The following MACROD2 variants were observed in gnomAD, a reference collection of about 807,000 sequenced individuals.
MACROD2 encodes ADP-ribose glycohydrolase MACROD2.
Under a neutral mutation model 70.4 loss-of-function variants are expected in MACROD2, and 36 were observed. The ratio of observed to expected loss-of-function variants is 0.51; its 90% CI spans 0.39 to 0.68. The LOEUF (loss-of-function observed/expected upper bound fraction) is 0.68, where lower values mean the gene tolerates loss of function less well. Ranked by LOEUF, MACROD2 falls within the 30% of genes least tolerant of loss-of-function variation. MACROD2 has a pLI of 0.00. For synonymous variants in MACROD2, 172 were observed against 178.8 expected (o/e 0.96, Z 0.30); for missense variants, 496 against 538.4 (o/e 0.92, Z 0.78).
intron 4 of MACROD2, among the ~76,000 whole-genome samples, chr20:14,587,908 T>A (rs1409087823): frequency 6.6e-6 from 1 of 152,124 alleles, no homozygotes; most frequent in Non-Finnish European, 1.5e-5. Flanking sequence ...TACAGTGGTG[T>A]TATCAATACC....
At chr20:14,266,959 T>C (rs1015420447) in intron 3 of MACROD2, among the ~76,000 whole-genome samples, 1 of 152,126 alleles carries the variant, frequency 6.6e-6, no homozygotes, top group Non-Finnish European at 1.5e-5. Context: ...ATAAACTCAG[T>C]TGGAAGTGAA....
chr20:14,546,028 T>A (rs1052167720), intron 4 of MACROD2, among the ~76,000 whole-genome samples: 1 of 152,218 alleles, frequency 6.6e-6, no homozygotes, highest in Non-Finnish European at 1.5e-5. Flanking sequence ...ATGCACTGTA[T>A]TTTTTATTTT....
intron 13 of MACROD2, among the ~76,000 whole-genome samples, chr20:15,982,391 A>G (rs1279293011): frequency 6.6e-6 from 1 of 152,150 alleles, no homozygotes; most frequent in Non-Finnish European, 1.5e-5. Context: ...GGTCAGTTGA[A>G]GTCTTTACTG....
At chr20:15,630,083 C>G (rs1386019729) in intron 8 of MACROD2, among the ~76,000 whole-genome samples, 1 of 152,090 alleles carries the variant, frequency 6.6e-6, no homozygotes, top group Non-Finnish European at 1.5e-5. Context: ...GCTTCCGGTC[C>G]TGCTTTTGAT....
intron 15 of MACROD2, among the ~76,000 whole-genome samples, chr20:16,001,911 C>G (rs1020907527): frequency 6.6e-6 from 1 of 151,840 alleles, no homozygotes; most frequent in Non-Finnish European, 1.5e-5. Flanking sequence ...TGTTACATTA[C>G]TCTTATTTTT....
At position 15,934,989 on chromosome 20, in the gene MACROD2, C is replaced by T. The variant is rs143582363; in HGVS notation, c.838+1651C>T. Among the ~76,000 whole-genome samples the T allele has an allele frequency of 5.1e-3, 686 of 134,770 alleles. 4 individuals carry two copies. Among genetic ancestry groups the T allele is most frequent in the African/African-American group, 0.018 (640 of 36,336 alleles). 88.4% of individuals were successfully genotyped at this position (134,770 alleles called of 152,430 possible). A position where few individuals can be genotyped will look rare whatever the true frequency, so the allele number is the denominator to read the frequency against. On this transcript the variant is annotated intron_variant, in intron 11 of 17. Transcript: ENST00000684519. Reference sequence around the variant, plus strand: ...CAGGCACGAGCCACCACACCCAGGCCCAAAGTGTCCTTATCGAAAAAGATT... The same window carrying T: ...CAGGCACGAGCCACCACACCCAGGCTCAAAGTGTCCTTATCGAAAAAGATT...
At chr20:14,256,528 T>A (rs1436342389) in intron 3 of MACROD2, among the ~76,000 whole-genome samples, 1 of 152,192 alleles carries the variant, frequency 6.6e-6, no homozygotes, top group African/African-American at 2.4e-5. Context: ...GATTTACTTT[T>A]GTTTCTGGCA....
chr20:15,856,936 G>A (rs1404615764), intron 8 of MACROD2, among the ~76,000 whole-genome samples: 1 of 152,142 alleles, frequency 6.6e-6, no homozygotes, highest in Non-Finnish European at 1.5e-5. Flanking sequence ...GAAGTAATTG[G>A]AATTTGAGAA....
At chr20:14,319,799 T>G (rs904190289) in intron 3 of MACROD2, among the ~76,000 whole-genome samples, 1 of 152,208 alleles carries the variant, frequency 6.6e-6, no homozygotes, top group South Asian at 2.1e-4. Flanking sequence ...TTGTTGTTTC[T>G]TTGATGTGGA....
intron 8 of MACROD2, among the ~76,000 whole-genome samples, chr20:15,619,243 G>GGAA (rs1384666979): frequency 3.9e-5 from 6 of 152,202 alleles, no homozygotes; most frequent in Non-Finnish European, 8.8e-5. Context: ...CAAGAAGGAG[G>GGAA]TTTGTTTTGG....
chr20:15,597,856 A>G (rs550457497), intron 8 of MACROD2, among the ~76,000 whole-genome samples: 1 of 152,342 alleles, frequency 6.6e-6, no homozygotes. Flanking sequence ...AGGCAGGTGG[A>G]TCACCTGAGG....
chr20:15,340,139 T>C (rs1448761618), intron 6 of MACROD2, among the ~76,000 whole-genome samples: 104 of 89,210 alleles, frequency 1.2e-3, no homozygotes, highest in African/African-American at 5.4e-3. Flanking sequence ...TCTTTTTTTT[T>C]TTTTTTTTTT....
At chr20:15,031,626 G>A (rs777171082) in intron 5 of MACROD2, among the ~76,000 whole-genome samples, 12 of 152,168 alleles carry the variant, frequency 7.9e-5, no homozygotes, top group Non-Finnish European at 1.6e-4. Context: ...AAGTGGAGGA[G>A]ACCTGAAATG....
chr20:15,516,449 T>A (rs1382673103), intron 8 of MACROD2, among the ~76,000 whole-genome samples: 1 of 152,158 alleles, frequency 6.6e-6, no homozygotes, highest in Non-Finnish European at 1.5e-5. Flanking sequence ...ACAATTCCTG[T>A]CCTAAGAAAG....
In MACROD2 at chr20:15,090,180, A is replaced by G. The variant is rs1223685637; in HGVS notation, c.419-139760A>G. Among the ~76,000 whole-genome samples the G allele has an allele frequency of 2.1e-5, 3 of 142,956 alleles. No homozygotes were observed. The East Asian group carries it at 6.0e-4, about 29-fold the overall frequency. 93.8% of individuals were successfully genotyped at this position (142,956 alleles called of 152,430 possible). A position where few individuals can be genotyped will look rare whatever the true frequency, so the allele number is the denominator to read the frequency against. The stretch of plus-strand genomic sequence containing the variant: ...AGCAGTAATATATGCTAGGACATAT[A>G]ATATCACTTTGGATAGATAAATGTA... On this transcript the variant is annotated intron_variant, in intron 5 of 17. Transcript: ENST00000684519.
chr20:14,604,386 G>A (rs1165533216), intron 4 of MACROD2, among the ~76,000 whole-genome samples: 1 of 151,970 alleles, frequency 6.6e-6, no homozygotes, highest in Non-Finnish European at 1.5e-5. Context: ...TGATTTTTTT[G>A]CTCTTGTGGG....
intron 5 of MACROD2, among the ~76,000 whole-genome samples, chr20:15,187,957 C>T (rs1427735788): frequency 1.3e-5 from 2 of 152,052 alleles, no homozygotes; most frequent in Non-Finnish European, 2.9e-5. Flanking sequence ...TTCTGATGTC[C>T]TTAATTATCC....
chr20:15,914,226 A>C lies in MACROD2; in HGVS notation c.776-19050A>C, dbSNP rs117828520. 6.4e-3 allele frequency among the ~76,000 whole-genome samples: 974 copies of C among 152,268 alleles called. 6 individuals are homozygous for C. The highest frequency in any genetic ancestry group is 9.7e-3 in the Admixed American group (149 of 15,296). On this transcript the variant is annotated intron_variant, in intron 10 of 17. Coordinates refer to ENST00000684519, the MANE Select transcript of MACROD2 (RefSeq NM_001351661.2). ...CAGAGAATCGGTCCCAGAATATCAG[A>C]CCTGTGTTTATTGGAAAACAGCTCT...
At chr20:14,301,048 G>A (rs541511525) in intron 3 of MACROD2, among the ~76,000 whole-genome samples, 6 of 152,196 alleles carry the variant, frequency 3.9e-5, no homozygotes, top group East Asian at 1.9e-4. Flanking sequence ...GTTAACACTC[G>A]CCACGATCCT....
Sources: allele counts gnomAD v4.1 joint callset (sites outside exome capture counted in the v4.1 genomes callset), GRCh38; gene constraint gnomAD v4.1.1; transcripts MANE v1.5; gene names NCBI Gene and HGNC (gene_info 2026-07-23, HGNC 2026-07-21).